CNTN2: variants seen among roughly 807,000 people sequenced by gnomAD.
CNTN2 encodes contactin-2.
Under a neutral mutation model 117.5 loss-of-function variants are expected in CNTN2, and 53 were observed. The observed-to-expected ratio is 0.45, with a 90% CI of 0.36 to 0.57. The LOEUF (loss-of-function observed/expected upper bound fraction) is 0.57. Ranked by LOEUF, CNTN2 falls within the 20% of genes least tolerant of loss-of-function variation. The probability of loss-of-function intolerance (pLI) is 0.00; values close to 1 mark genes in which losing one functional copy is unlikely to be tolerated. For synonymous variants in CNTN2, 530 were observed against 561.7 expected (o/e 0.94, Z 0.80); for missense variants, 1,106 against 1,404.3 (o/e 0.79, Z 3.39).
Position 205,059,526 on chromosome 1 carries a change from C to G in CNTN2, c.698-57C>G. 6.6e-7 allele frequency: 1 copy of G among 1,513,496 alleles called. No homozygotes were observed. The highest frequency in any genetic ancestry group is 9.2e-7 in the Non-Finnish European group (1 of 1,088,712). The allele number at this position is 1,513,496 out of a possible 1,614,324, so 93.8% of individuals were successfully genotyped here. On this transcript the variant is annotated intron_variant, in intron 6 of 22. Transcript: ENST00000331830. This position sits in a 1 kb window ranked among gnomAD's most constrained non-coding sequence, Gnocchi z 5.6. The stretch of plus-strand genomic sequence containing the variant: ...CTGAAAGGTGCTGAGATCCCATGCA[C>G]GGGAGCACCTGACCTGGAGTCATCT...
rs1654306608 is a variant in CNTN2, at chr1:205,066,619, G to A, written c.1975+20G>A. 6.2e-7 allele frequency: 1 copy of A among 1,612,868 alleles called. No homozygotes were observed. Among genetic ancestry groups the A allele is most frequent in the Middle Eastern group, 1.7e-4 (1 of 6,056 alleles). The stretch of plus-strand genomic sequence containing the variant: ...GGACCAGTAAGTGTGAGCCCCACCT[G>A]GGTCAGTGCTGATAAGGCTCGACTG... On this transcript the variant is annotated intron_variant, in intron 15 of 22. Coordinates refer to ENST00000331830, the MANE Select transcript of CNTN2 (RefSeq NM_005076.5).
intron 19 of CNTN2, 48 bp downstream of exon 19, chr1:205,070,586 A>G: frequency 7.3e-7 from 1 of 1,370,214 alleles, no homozygotes; most frequent in South Asian, 1.2e-5. Context: ...CTGGGGCTTC[A>G]AAGCCAGGTG....
At chr1:205,060,917 A>G in intron 7 of CNTN2, 1 of 269,588 alleles carries the variant, frequency 3.7e-6, no homozygotes, top group Non-Finnish European at 7.0e-6. Context: ...ACTGTGGCGG[A>G]GGGCAGACCC....
chr1:205,053,240 C>G lies in CNTN2; in HGVS notation c.55C>G (p.Leu19Val), dbSNP rs1240983634. 1 of 1,612,450 alleles carries G rather than the reference C, an allele frequency of 6.2e-7. No homozygotes were observed. The highest frequency in any genetic ancestry group is 1.3e-5 in the African/African-American group (1 of 74,870). Reference sequence around the variant, plus strand: ...CCTGCTGCTGGTAGCTGCTGTGGCCCTTGTCTCCTCTTCAGGTAAGAGGGC... The same window carrying G: ...CCTGCTGCTGGTAGCTGCTGTGGCCGTTGTCTCCTCTTCAGGTAAGAGGGC... ...PHLLLVAAVALVSSSAWSSAL... is the reference protein window; with the variant it reads ...PHLLLVAAVAVVSSSAWSSAL... The change falls in exon 2 of 23, where the codon CTT (leucine) becomes GTT (valine). Residue 19 changes from leucine to valine, a missense_variant. Transcript: ENST00000331830.
Position 205,069,912 on chromosome 1 carries a change from C to G in CNTN2, c.2282C>G (p.Ala761Gly). ...RRQGSTHWQT[A>G]RVPGADAQYF... ...CAGGGCAGCACTCACTGGCAGACCG[C>G]CCGGGTGCCTGGCGCCGATGCCCAG... The change falls in exon 18 of 23, where the codon GCC (alanine) becomes GGC (glycine). Residue 761 changes from alanine (A) to glycine (G), a missense_variant. Transcript: ENST00000331830. The G allele has an allele frequency of 1.2e-6, 2 of 1,613,846 alleles. No individual in the cohort carries two copies. The highest frequency in any genetic ancestry group is 1.7e-6 in the Non-Finnish European group (2 of 1,180,020).
chr1:205,065,878 C>T lies in CNTN2; in HGVS notation c.1785C>T (p.Ser595=), dbSNP rs374726965. ...GCATGGCCCAGACGGTGGTGGACAG[C>T]GCGTCCAAGGAGGCCACAGTCCTGG... ...YTCMAQTVVD[S]ASKEATVLVR... The change falls in exon 14 of 23, where the codon AGC becomes AGT. Residue 595 remains serine, a synonymous_variant. Transcript: ENST00000331830. The surrounding 1 kb of genome is among the most constrained non-coding windows in gnomAD (Gnocchi z 4.1). 7 of 1,592,654 alleles carry T rather than the reference C, an allele frequency of 4.4e-6. No individual in the cohort carries two copies. The highest frequency in any genetic ancestry group is 1.1e-5 in the South Asian group (1 of 90,226).
chr1:205,070,181 C>T (rs1395878614), intron 18 of CNTN2, 120 bp downstream of exon 18: 2 of 985,988 alleles, frequency 2.0e-6, no homozygotes, highest in Non-Finnish European at 3.1e-6. Flanking sequence ...TGAGAGGACA[C>T]CTGGGTTCCA....
chr1:205,050,485 G>A (rs746210312), intron 1 of CNTN2, among the ~76,000 whole-genome samples: 5 of 152,110 alleles, frequency 3.3e-5, no homozygotes, highest in Admixed American at 2.6e-4. Flanking sequence ...ACCATACTTC[G>A]AGTATCCAAC....
intron 10 of CNTN2, 190 bp downstream of exon 10, chr1:205,062,759 C>A: frequency 1.8e-6 from 1 of 550,104 alleles, no homozygotes; most frequent in Non-Finnish European, 2.9e-6. Context: ...TGACAGCTGC[C>A]AGAGGGCAGG....
rs1251806266 is a variant in CNTN2, at chr1:205,073,435, C to G, written c.3013+199C>G. 1 of 783,160 alleles carries G rather than the reference C, an allele frequency of 1.3e-6. No homozygotes were observed. The highest frequency in any genetic ancestry group is 1.7e-5 in the African/African-American group (1 of 57,366). The allele number at this position is 783,160 out of a possible 1,614,324, so 48.5% of individuals were successfully genotyped here. A position where few individuals can be genotyped will look rare whatever the true frequency, so the allele number is the denominator to read the frequency against. ...CCAGCCCCCAGAACATCCCCGAGGG[C>G]CAGGGAAGGGCGCAGGGTGCAGGGG... is the stretch of plus-strand genomic sequence containing the variant. On this transcript the variant is annotated intron_variant, in intron 22 of 22. Transcript: ENST00000331830. This position sits in a 1 kb window ranked among gnomAD's most constrained non-coding sequence, Gnocchi z 6.3.
At position 205,059,037 on chromosome 1, in the gene CNTN2, C is replaced by T. The variant is rs1400944042; in HGVS notation, c.488-47C>T. Reference sequence around the variant, plus strand: ...TGCTGGGGTCCCACCCAGAGTGGCCCTGTTAGCCCAGCACCCCCTGGTTTC... The same window carrying T: ...TGCTGGGGTCCCACCCAGAGTGGCCTTGTTAGCCCAGCACCCCCTGGTTTC... On this transcript the variant is annotated intron_variant, in intron 5 of 22. Transcript: ENST00000331830. The surrounding 1 kb of genome is among the most constrained non-coding windows in gnomAD (Gnocchi z 5.6). 3.2e-6 allele frequency: 5 copies of T among 1,573,668 alleles called. No individual in the cohort carries two copies. Among genetic ancestry groups the T allele is most frequent in the Non-Finnish European group, 4.4e-6 (5 of 1,144,928 alleles).
intron 1 of CNTN2, among the ~76,000 whole-genome samples, chr1:205,052,189 T>C (rs1008314632): frequency 2.6e-5 from 4 of 152,134 alleles, no homozygotes; most frequent in Admixed American, 6.5e-5. Flanking sequence ...GTGACCCAGG[T>C]TCACTCTGAT....
Position 205,061,685 on chromosome 1 carries a change from G to A in CNTN2, c.974-180G>A. 1 of 904,986 alleles carries A rather than the reference G, an allele frequency of 1.1e-6. No homozygotes were observed. The highest frequency in any genetic ancestry group is 1.7e-6 in the Non-Finnish European group (1 of 604,082). The allele number at this position is 904,986 out of a possible 1,614,324, so 56.1% of individuals were successfully genotyped here. On this transcript the variant is annotated intron_variant, in intron 8 of 22. Coordinates refer to ENST00000331830, the MANE Select transcript of CNTN2 (RefSeq NM_005076.5). This position sits in a 1 kb window ranked among gnomAD's most constrained non-coding sequence, Gnocchi z 4.8. ...AAGCAGCCACTGGCACAGCCACAGA[G>A]TGCCAGCTTTCTTGTGCCTCCTTCT...
rs1434776331 is a variant in CNTN2, at chr1:205,058,257, A to G, written c.292A>G (p.Met98Val). 9 of 1,551,890 alleles carry G rather than the reference A, an allele frequency of 5.8e-6. No individual in the cohort carries two copies. The highest frequency in any genetic ancestry group is 2.3e-5 in the East Asian group (1 of 44,410). ...HQLVGGNLVI[M>V]NPTKAQDAGV... ...GCTGGTGGGGGGCAACCTGGTCATC[A>G]TGAACCCCACCAAGGCACAGGATGC... Residue 98 changes from methionine (M) to valine (V), a missense_variant, in exon 4 of 23, where the codon ATG becomes GTG. Coordinates refer to ENST00000331830, the MANE Select transcript of CNTN2 (RefSeq NM_005076.5). The surrounding 1 kb of genome is among the most constrained non-coding windows in gnomAD (Gnocchi z 4.3).
rs979982859 is a variant in CNTN2, at chr1:205,073,361, G to A, written c.3013+125G>A. ...GCAAAGGAAAGTGGAAGGCAGGCAG[G>A]AACCAAGTGCAAAGTAGTCTTAGAA... On this transcript the variant is annotated intron_variant, in intron 22 of 22. Transcript: ENST00000331830. The surrounding 1 kb of genome is among the most constrained non-coding windows in gnomAD (Gnocchi z 6.3). The A allele has an allele frequency of 8.3e-7, 1 of 1,206,510 alleles. No homozygotes were observed. Among genetic ancestry groups the A allele is most frequent in the Non-Finnish European group, 1.2e-6 (1 of 861,224 alleles). 74.7% of individuals were successfully genotyped at this position (1,206,510 alleles called of 1,614,324 possible). A position where few individuals can be genotyped will look rare whatever the true frequency, so the allele number is the denominator to read the frequency against.
chr1:205,061,955 G>A lies in CNTN2; in HGVS notation c.1064G>A (p.Arg355Gln), dbSNP rs1313902620. The A allele has an allele frequency of 4.3e-6, 7 of 1,611,850 alleles. No homozygotes were observed. Among genetic ancestry groups the A allele is most frequent in the Non-Finnish European group, 5.9e-6 (7 of 1,179,148 alleles). Residue 355 changes from arginine to glutamine, a missense_variant, in exon 9 of 23, where the codon CGG (arginine) becomes CAG (glutamine). Physicochemically the swap from Arg to Gln is conservative, Grantham distance 43. Coordinates refer to ENST00000331830, the MANE Select transcript of CNTN2 (RefSeq NM_005076.5). The surrounding 1 kb of genome is among the most constrained non-coding windows in gnomAD (Gnocchi z 4.8). ...GGCTGTGCAGCCGCCGGCAAGCCCCGGCCTACAGTGCGCTGGCTGCGGAAC... is the reference window on the plus strand; with the variant it reads ...GGCTGTGCAGCCGCCGGCAAGCCCCAGCCTACAGTGCGCTGGCTGCGGAAC... ...RWGCAAAGKP[R>Q]PTVRWLRNGE...
chr1:205,065,304 T>C lies in CNTN2; in HGVS notation c.1695+42T>C. 1 of 1,607,154 alleles carries C rather than the reference T, an allele frequency of 6.2e-7. No homozygotes were observed. Among genetic ancestry groups the C allele is most frequent in the Non-Finnish European group, 8.5e-7 (1 of 1,175,524 alleles). ...GAGCCCCATGGCTTCTCCCTCCTTC[T>C]AGAGAGACAGGGGCCCCAAGATGTC... is the stretch of plus-strand genomic sequence containing the variant. On this transcript the variant is annotated intron_variant, in intron 13 of 22. Transcript: ENST00000331830. The surrounding 1 kb of genome is among the most constrained non-coding windows in gnomAD (Gnocchi z 4.1).
At chr1:205,043,453 G>C (rs185715195) in intron 1 of CNTN2, 59 bp downstream of exon 1, 1 of 152,378 alleles carries the variant, frequency 6.6e-6, no homozygotes, top group Non-Finnish European at 1.5e-5. Flanking sequence ...TGCTGTTATG[G>C]GCCGGGGCTC....
At chr1:205,067,435 C>G (rs28721528) in intron 16 of CNTN2, 185 bp downstream of exon 16, 1 of 531,924 alleles carries the variant, frequency 1.9e-6, no homozygotes, top group Non-Finnish European at 3.1e-6. Context: ...GACAAACCAT[C>G]TAGTCCAAAC....
Sources: allele counts gnomAD v4.1 joint callset (sites outside exome capture counted in the v4.1 genomes callset), GRCh38; gene constraint gnomAD v4.1.1; non-coding constraint Gnocchi (gnomAD v3.1); transcripts MANE v1.5; gene names NCBI Gene and HGNC (gene_info 2026-07-23, HGNC 2026-07-21).